The following PLPPR1 variants were observed in gnomAD, a reference collection of about 807,000 sequenced individuals.
PLPPR1 encodes phospholipid phosphatase-related protein type 1.
Under a neutral mutation model 33.1 loss-of-function variants are expected in PLPPR1, and 10 were observed. That is an observed-to-expected ratio of 0.30 (90% CI 0.19 to 0.51). The LOEUF (loss-of-function observed/expected upper bound fraction) is 0.51, where lower values mean the gene tolerates loss of function less well. Among genes scored for constraint, PLPPR1 ranks in the 20% least tolerant of loss-of-function variants. PLPPR1 has a pLI of 0.97. For synonymous variants in PLPPR1, 151 were observed against 151.0 expected (o/e 1.00, Z 0.00); for missense variants, 304 against 408.1 (o/e 0.74, Z 2.20).
chr9:101,171,374 G>T (rs1007607392), intron 1 of PLPPR1, among the ~76,000 whole-genome samples: 1 of 152,130 alleles, frequency 6.6e-6, no homozygotes, highest in African/African-American at 2.4e-5. Flanking sequence ...TCCTCACAGT[G>T]TTCCTGAGTC....
At chr9:101,096,961 G>T (rs1203844208) in intron 1 of PLPPR1, among the ~76,000 whole-genome samples, 1 of 152,012 alleles carries the variant, frequency 6.6e-6, no homozygotes, top group Non-Finnish European at 1.5e-5. Context: ...AGCTACAAGG[G>T]AGTCTAAAGT....
chr9:101,183,010 T>A (rs186422227), intron 1 of PLPPR1, among the ~76,000 whole-genome samples: 8 of 151,892 alleles, frequency 5.3e-5, no homozygotes, highest in Admixed American at 1.3e-4. Context: ...AATGACAGTG[T>A]GGAGAAATGG....
At chr9:101,254,547 G>A (rs1827765575) in intron 2 of PLPPR1, among the ~76,000 whole-genome samples, 1 of 152,098 alleles carries the variant, frequency 6.6e-6, no homozygotes, top group Non-Finnish European at 1.5e-5. Context: ...CCCTGATCTA[G>A]ATTATACTAC....
intron 4 of PLPPR1, among the ~76,000 whole-genome samples, chr9:101,291,395 G>A (rs961798873): frequency 1.2e-4 from 19 of 152,324 alleles, no homozygotes; most frequent in Non-Finnish European, 2.5e-4. Flanking sequence ...GGTAACCTCT[G>A]CAGACTTAAA....
At chr9:101,139,547 T>G (rs995907732) in intron 1 of PLPPR1, among the ~76,000 whole-genome samples, 1 of 152,182 alleles carries the variant, frequency 6.6e-6, no homozygotes, top group Non-Finnish European at 1.5e-5. Context: ...ATAGGTTCCT[T>G]TTCCCCTTCA....
intron 3 of PLPPR1, among the ~76,000 whole-genome samples, chr9:101,273,542 G>A (rs745608547): frequency 9.2e-5 from 14 of 152,154 alleles, no homozygotes; most frequent in African/African-American, 2.4e-4. Flanking sequence ...CTACCCTGCC[G>A]GCAAGCTGTG....
chr9:101,109,625 A>T (rs1376629226), intron 1 of PLPPR1, among the ~76,000 whole-genome samples: 1 of 152,200 alleles, frequency 6.6e-6, no homozygotes. Context: ...TTCAAAAGGT[A>T]TACATAGTAG....
At chr9:101,085,529 G>A (rs563490313) in intron 1 of PLPPR1, among the ~76,000 whole-genome samples, 1 of 152,118 alleles carries the variant, frequency 6.6e-6, no homozygotes, top group Admixed American at 6.6e-5. Context: ...AAACATAGAG[G>A]CATGAAGTCT....
At chr9:101,272,771 A>G (rs937338285) in intron 3 of PLPPR1, among the ~76,000 whole-genome samples, 1 of 152,226 alleles carries the variant, frequency 6.6e-6, no homozygotes, top group Non-Finnish European at 1.5e-5. Flanking sequence ...AAATGTTTTC[A>G]AAGAACTTAG....
intron 1 of PLPPR1, among the ~76,000 whole-genome samples, chr9:101,118,517 A>G (rs867898576): frequency 3.3e-5 from 5 of 152,166 alleles, no homozygotes; most frequent in African/African-American, 9.7e-5. Context: ...TTCTCTCTCC[A>G]TGGGTTCTGG....
intron 2 of PLPPR1, among the ~76,000 whole-genome samples, chr9:101,244,881 T>C (rs1021705389): frequency 5.3e-5 from 8 of 151,586 alleles, no homozygotes; most frequent in African/African-American, 1.9e-4. Context: ...AAAAGAAAAA[T>C]AGAATGCAAA....
chr9:101,289,787 C>G (rs150009469), intron 4 of PLPPR1, among the ~76,000 whole-genome samples: 1 of 152,204 alleles, frequency 6.6e-6, no homozygotes, highest in Non-Finnish European at 1.5e-5. Context: ...AACCTCTTTG[C>G]TTTGTAAATC....
chr9:101,276,320 T>C (rs1218167714), intron 3 of PLPPR1, among the ~76,000 whole-genome samples: 1 of 152,212 alleles, frequency 6.6e-6, no homozygotes, highest in East Asian at 1.9e-4. Flanking sequence ...GATATGCCCA[T>C]TAATTATTGT....
chr9:101,069,287 T>C (rs972742591), intron 1 of PLPPR1, among the ~76,000 whole-genome samples: 3 of 152,130 alleles, frequency 2.0e-5, no homozygotes, highest in African/African-American at 7.2e-5. Flanking sequence ...ATTTTCATTT[T>C]AGAGATGAAA....
chr9:101,108,870 A>G (rs1043968978), intron 1 of PLPPR1, among the ~76,000 whole-genome samples: 1 of 152,090 alleles, frequency 6.6e-6, no homozygotes, highest in African/African-American at 2.4e-5. Context: ...CTGAATTAAT[A>G]AATATTTTTT....
At chr9:101,071,848 T>C (rs887514045) in intron 1 of PLPPR1, among the ~76,000 whole-genome samples, 1 of 152,160 alleles carries the variant, frequency 6.6e-6, no homozygotes, top group African/African-American at 2.4e-5. Flanking sequence ...GGGTAGGGTG[T>C]GTAATGAGAG....
Position 101,206,880 on chromosome 9 carries a change from A to G in PLPPR1, c.63+21323A>G, listed in dbSNP as rs569241725. On this transcript the variant is annotated intron_variant, in intron 2 of 7. Transcript: ENST00000374874. ...GGACCTTGACATCCTTTCTAATGGCATAGAGTGGACCACCAGAGAAACCCC... is the reference window on the plus strand; with the variant it reads ...GGACCTTGACATCCTTTCTAATGGCGTAGAGTGGACCACCAGAGAAACCCC... 6.6e-5 allele frequency among the ~76,000 whole-genome samples: 10 copies of G among 152,274 alleles called. No homozygotes were observed. The South Asian group carries it at 2.1e-3, about 32-fold the overall frequency.
At chr9:101,272,571 G>T (rs1253667677) in intron 3 of PLPPR1, among the ~76,000 whole-genome samples, 1 of 152,104 alleles carries the variant, frequency 6.6e-6, no homozygotes, top group Admixed American at 6.6e-5. Context: ...CCACATAGGA[G>T]ACTCAAATGT....
rs184917560 is a variant in PLPPR1 at position 101,123,728 on chromosome 9, A to T, written c.-45-61722A>T. Among the ~76,000 whole-genome samples the T allele has an allele frequency of 4.6e-3, 695 of 152,280 alleles. 10 individuals carry two copies. The highest frequency in any genetic ancestry group is 7.1e-3 in the Non-Finnish European group (485 of 68,024). On this transcript the variant is annotated intron_variant, in intron 1 of 7. Coordinates refer to ENST00000374874, the MANE Select transcript of PLPPR1 (RefSeq NM_207299.2). ...GAGATAATGGAGAGCAAGTTCTTTT[A>T]ACTCAAAATACAATCAATGCTGGGA...
Sources: gnomAD v4.1 joint callset for allele counts (sites outside exome capture counted in the v4.1 genomes callset) on GRCh38, gnomAD v4.1.1 for gene constraint, MANE v1.5 for transcripts, NCBI Gene and HGNC (gene_info 2026-07-23, HGNC 2026-07-21) for gene names.